PCDHGA3: variants seen among roughly 807,000 people sequenced by gnomAD.
PCDHGA3 encodes protocadherin gamma-A3.
PCDHGA3 carries 40 observed loss-of-function variants against 58.5 expected under a neutral mutation model. That is an observed-to-expected ratio of 0.68 (90% CI 0.53 to 0.89). The LOEUF is 0.89. Ranked by LOEUF, PCDHGA3 falls within the 40% of genes least tolerant of loss-of-function variation. The pLI is 0.00. For missense variants in PCDHGA3, 1,223 were observed against 1,195.9 expected, an observed-to-expected ratio of 1.02 and a Z score of -0.33; for synonymous variants, 530 against 525.7, an observed-to-expected ratio of 1.01 and a Z score of -0.11.
chr5:141,356,684 C>A (rs775190688), intron 1 of PCDHGA3: 9 of 1,613,874 alleles, frequency 5.6e-6, no homozygotes, highest in Non-Finnish European at 7.6e-6. Context: ...GCCGAAGACA[C>A]CTTCCAGGGT....
intron 1 of PCDHGA3, among the ~76,000 whole-genome samples, chr5:141,483,373 G>A (rs1410856257): frequency 6.6e-6 from 1 of 152,166 alleles, no homozygotes; most frequent in Admixed American, 6.5e-5. Flanking sequence ...TGCAATATTT[G>A]AAGAGAAGAT....
chr5:141,460,511 AT>A (rs937107682), intron 1 of PCDHGA3, among the ~76,000 whole-genome samples: 2 of 152,168 alleles, frequency 1.3e-5, no homozygotes, highest in African/African-American at 4.8e-5. Flanking sequence ...TGAGAAGGCT[AT>A]CTTTTCCCCA....
intron 1 of PCDHGA3, among the ~76,000 whole-genome samples, chr5:141,479,962 A>G: frequency 6.6e-6 from 1 of 152,226 alleles, no homozygotes; most frequent in Non-Finnish European, 1.5e-5. Context: ...GCAGTTAGTC[A>G]AATGAGGTTC....
intron 1 of PCDHGA3, chr5:141,396,655 C>T (rs1589287485): frequency 6.6e-6 from 1 of 152,052 alleles, no homozygotes; most frequent in South Asian, 2.1e-4. Context: ...AGTAAAAACT[C>T]GGTATAGGCT....
chr5:141,436,140 A>G (rs1324666699), intron 1 of PCDHGA3, among the ~76,000 whole-genome samples: 2 of 152,224 alleles, frequency 1.3e-5, no homozygotes, highest in Non-Finnish European at 2.9e-5. Flanking sequence ...TCTTGTATGA[A>G]CTACCAAAAT....
chr5:141,409,183 C>G (rs1217234895), intron 1 of PCDHGA3: 6 of 1,614,028 alleles, frequency 3.7e-6, no homozygotes, highest in Non-Finnish European at 5.1e-6. Context: ...GAGGTGGTCT[C>G]TCTACCCAGT....
At chr5:141,415,754 T>C in intron 1 of PCDHGA3, 3 of 1,385,738 alleles carry the variant, frequency 2.2e-6, no homozygotes, top group South Asian at 1.7e-5. Context: ...TTTTTTTTTT[T>C]TTTTTTTTTT....
At chr5:141,364,373 CTGCCCT>C in intron 1 of PCDHGA3, 1 of 1,572,690 alleles carries the variant, frequency 6.4e-7, no homozygotes, top group South Asian at 1.2e-5. Flanking sequence ...AGAGCTGCTG[CTGCCCT>C]TCATGCTCCT....
intron 1 of PCDHGA3, chr5:141,394,137 G>A (rs1406338034): frequency 6.2e-6 from 10 of 1,613,902 alleles, no homozygotes; most frequent in East Asian, 2.2e-5. Context: ...CGCTCTGCAC[G>A]TGGCAGACAT....
At chr5:141,408,115 C>T (rs2095044760) in intron 1 of PCDHGA3, 1 of 1,461,312 alleles carries the variant, frequency 6.8e-7, no homozygotes, top group Non-Finnish European at 9.1e-7. Context: ...GGGACTCCTC[C>T]TGTCCTGGGC....
chr5:141,423,880 G>C, intron 1 of PCDHGA3: 1 of 1,282,292 alleles, frequency 7.8e-7, no homozygotes, highest in Non-Finnish European at 9.9e-7. Context: ...TTTCAATCTT[G>C]GCATATTTTC....
intron 1 of PCDHGA3, chr5:141,383,860 G>A: frequency 6.2e-7 from 1 of 1,613,926 alleles, no homozygotes; most frequent in Non-Finnish European, 8.5e-7. Flanking sequence ...GGAGGTTCAG[G>A]CTCAAGATGG....
At chr5:141,366,024 C>G in intron 1 of PCDHGA3, 1 of 1,614,260 alleles carries the variant, frequency 6.2e-7, no homozygotes, top group Non-Finnish European at 8.5e-7. Context: ...ATCCTGTACC[C>G]CGCCCTCCCC....
Position 141,486,567 on chromosome 5 carries a change from C to T in PCDHGA3, c.2425-8240C>T, listed in dbSNP as rs1562113360. On this transcript the variant is annotated intron_variant, in intron 1 of 3. Transcript: ENST00000253812. The surrounding 1 kb of genome is among the most constrained non-coding windows in gnomAD (Gnocchi z 5.0). ...CAGAGGTCACATGAGGTGTTTGTTCCTGAGAACAATCGCCCAGGGGACCTG... is the reference window on the plus strand; with the variant it reads ...CAGAGGTCACATGAGGTGTTTGTTCTTGAGAACAATCGCCCAGGGGACCTG... The T allele has an allele frequency of 6.2e-7, 1 of 1,613,918 alleles. No homozygotes were observed. The highest frequency in any genetic ancestry group is 8.5e-7 in the Non-Finnish European group (1 of 1,179,986).
chr5:141,386,612 T>C (rs2090642858), intron 1 of PCDHGA3, among the ~76,000 whole-genome samples: 1 of 152,012 alleles, frequency 6.6e-6, no homozygotes, highest in South Asian at 2.1e-4. Context: ...TTTTTTGACA[T>C]GGAGTCTCGC....
chr5:141,372,112 C>A (rs1170751793), intron 1 of PCDHGA3: 7 of 1,613,708 alleles, frequency 4.3e-6, no homozygotes, highest in South Asian at 1.1e-5. Flanking sequence ...GAAGGCTCTG[C>A]GCTCTTCGAT....
At chr5:141,379,736 T>G (rs1361966211) in intron 1 of PCDHGA3, 1 of 152,178 alleles carries the variant, frequency 6.6e-6, no homozygotes, top group Non-Finnish European at 1.5e-5. Context: ...AAGTTATGGC[T>G]AAATGAGGTT....
chr5:141,451,565 C>A (rs1336048717), intron 1 of PCDHGA3, among the ~76,000 whole-genome samples: 2 of 152,062 alleles, frequency 1.3e-5, no homozygotes, highest in South Asian at 2.1e-4. Flanking sequence ...AAGCCACAAT[C>A]TTTTTATAAA....
Position 141,351,945 on chromosome 5 carries a change from C to T in PCDHGA3, c.2424+5488C>T, listed in dbSNP as rs781780297. 4.3e-6 allele frequency: 7 copies of T among 1,613,150 alleles called. No homozygotes were observed. The East Asian group carries it at 1.3e-4, about 31-fold the overall frequency. On this transcript the variant is annotated intron_variant, in intron 1 of 3. Transcript: ENST00000253812. ...AATGCGCCACGGGTGCTGTACCCCG[C>T]GCTGGGGCCTGATGGCTCCGCCCTC... is the stretch of plus-strand genomic sequence containing the variant.
Sources: gnomAD v4.1 joint callset for allele counts (sites outside exome capture counted in the v4.1 genomes callset) on GRCh38, gnomAD v4.1.1 for gene constraint, Gnocchi (gnomAD v3.1) non-coding constraint, MANE v1.5 for transcripts, NCBI Gene and HGNC (gene_info 2026-07-23, HGNC 2026-07-21) for gene names.